Variants in CERKL observed in about 807,000 individuals in gnomAD.
CERKL encodes the protein CERK like autophagy regulator, also known as ceramide kinase-like protein.
A neutral mutation model predicts 63.4 loss-of-function variants in CERKL; 61 were observed. The observed-to-expected ratio is 0.96, with a 90% CI of 0.78 to 1.19. The LOEUF (loss-of-function observed/expected upper bound fraction) is 1.19. CERKL is among the 50% of genes most tolerant of loss of function. CERKL has a pLI of 0.00. For missense variants in CERKL, 675 were observed against 655.5 expected (o/e 1.03, Z -0.33); for synonymous variants, 250 against 230.5 (o/e 1.08, Z -0.77).
intron 11 of CERKL, among the ~76,000 whole-genome samples, chr2:181,540,612 C>T (rs1212309545): frequency 6.6e-6 from 1 of 152,156 alleles, no homozygotes; most frequent in Non-Finnish European, 1.5e-5. Context: ...GAATTGACAG[C>T]CACCACCAGT....
intron 1 of CERKL, among the ~76,000 whole-genome samples, chr2:181,615,711 GAAGC>G (rs1686161893): frequency 6.6e-6 from 1 of 152,200 alleles, no homozygotes; most frequent in South Asian, 2.1e-4. Context: ...ATAAATCTGT[GAAGC>G]AAGGGACCAA....
chr2:181,644,427 T>A (rs1687582241), intron 1 of CERKL, among the ~76,000 whole-genome samples: 1 of 152,256 alleles, frequency 6.6e-6, no homozygotes, highest in Non-Finnish European at 1.5e-5. Flanking sequence ...TAATTTAAGA[T>A]TGTAATAGAA....
chr2:181,623,908 CTG>C (rs1388959323), intron 1 of CERKL, among the ~76,000 whole-genome samples: 1 of 152,114 alleles, frequency 6.6e-6, no homozygotes, highest in African/African-American at 2.4e-5. Context: ...CACAAACCAG[CTG>C]TGAGTGTTAT....
At chr2:181,564,530 G>A (rs2105830390) in intron 4 of CERKL, among the ~76,000 whole-genome samples, 1 of 152,262 alleles carries the variant, frequency 6.6e-6, no homozygotes. Flanking sequence ...TTCAGGTAAA[G>A]AGAAAAATAT....
At position 181,538,228 on chromosome 2, in the gene CERKL, T is replaced by G; in HGVS notation, c.1555A>C (p.Ile519Leu). Residue 519 changes from isoleucine to leucine, a missense_variant, in exon 13 of 13, where the codon ATC (isoleucine) becomes CTC (leucine). Transcript: ENST00000410087. ...TCCATGCTTCCTCCATAAAGACTGA[T>G]AAGTCTTGGATGCAATCTGTAAAGA... ...EVHIRLHPRL[I>L]SLYGGSMEEM... 1 of 1,590,768 alleles carries G rather than the reference T, an allele frequency of 6.3e-7. No homozygotes were observed. The highest frequency in any genetic ancestry group is 8.6e-7 in the Non-Finnish European group (1 of 1,159,742).
intron 10 of CERKL, 63 bp from the exon 11 acceptor site, chr2:181,544,859 G>A: frequency 1.1e-6 from 1 of 920,908 alleles, no homozygotes; most frequent in Non-Finnish European, 1.7e-6. Flanking sequence ...CAAAAATTAT[G>A]ACATACTGTT....
rs1398728948 is a variant in CERKL, at chr2:181,537,152, C to G, written c.*1032G>C. On this transcript the variant is annotated 3_prime_UTR_variant, in exon 13 of 13. Coordinates refer to ENST00000410087, the MANE Select transcript of CERKL (RefSeq NM_201548.5). The stretch of plus-strand genomic sequence containing the variant: ...AAAACTTTGTATCGTTATAAAAAGG[C>G]TAGTCATTCTTTCAGGAGAACATCT... The G allele has an allele frequency of 2.2e-6, 1 of 453,836 alleles. No individual in the cohort carries two copies. The highest frequency in any genetic ancestry group is 2.4e-5 in the Admixed American group (1 of 42,522). 28.1% of individuals were successfully genotyped at this position (453,836 alleles called of 1,614,324 possible).
chr2:181,631,271 T>C (rs1236698251), intron 1 of CERKL, among the ~76,000 whole-genome samples: 1 of 152,238 alleles, frequency 6.6e-6, no homozygotes, highest in Non-Finnish European at 1.5e-5. Context: ...AAAAATTGTT[T>C]TATTTTTCTG....
Position 181,604,103 on chromosome 2 carries a change from A to G in CERKL, c.239-24T>C, listed in dbSNP as rs190766913. Reference sequence around the variant, plus strand: ...ACCTGAAAAAAAAATAAATTTTCCAATTAAAACCATTGTGTTTCATAGAGA... The same window carrying G: ...ACCTGAAAAAAAAATAAATTTTCCAGTTAAAACCATTGTGTTTCATAGAGA... On this transcript the variant is annotated intron_variant, in intron 1 of 12. Transcript: ENST00000410087. The G allele has an allele frequency of 9.8e-4, 1,533 of 1,563,124 alleles. 5 individuals carry two copies. The highest frequency in any genetic ancestry group is 1.2e-3 in the Non-Finnish European group (1,362 of 1,140,468).
chr2:181,641,354 T>TAC (rs1454036406), intron 1 of CERKL, among the ~76,000 whole-genome samples: 3 of 18,250 alleles, frequency 1.6e-4, no homozygotes, highest in African/African-American at 6.1e-4. Flanking sequence ...TACATATATA[T>TAC]ACACATATTT....
intron 1 of CERKL, among the ~76,000 whole-genome samples, chr2:181,611,990 C>T (rs1012088758): frequency 3.3e-5 from 5 of 152,148 alleles, no homozygotes; most frequent in Non-Finnish European, 4.4e-5. Flanking sequence ...ATAAGGGTAG[C>T]TAATAATGAA....
At chr2:181,638,818 G>A (rs936879760) in intron 1 of CERKL, among the ~76,000 whole-genome samples, 2 of 152,160 alleles carry the variant, frequency 1.3e-5, no homozygotes, top group African/African-American at 2.4e-5. Context: ...CCTCACCCTA[G>A]GTAAGCAAAA....
intron 1 of CERKL, among the ~76,000 whole-genome samples, chr2:181,615,407 A>G (rs1425133948): frequency 6.6e-6 from 1 of 152,264 alleles, no homozygotes; most frequent in Non-Finnish European, 1.5e-5. Context: ...GGGCTTGTCT[A>G]AATCAATCTT....
In CERKL at chr2:181,558,521, A is replaced by C; in HGVS notation, c.820+45T>G. ...CTAGATTAGCAAGTAAGAAAGGAAA[A>C]GAGGGAGAAGGGTCAGTTTAATGAA... On this transcript the variant is annotated intron_variant, in intron 5 of 12. Coordinates refer to ENST00000410087, the MANE Select transcript of CERKL (RefSeq NM_201548.5). This position sits in a 1 kb window ranked among gnomAD's most constrained non-coding sequence, Gnocchi z 4.2. 1 of 1,600,708 alleles carries C rather than the reference A, an allele frequency of 6.2e-7. No homozygotes were observed. Among genetic ancestry groups the C allele is most frequent in the African/African-American group, 1.3e-5 (1 of 74,698 alleles).
chr2:181,561,010 G>A (rs1319012245), intron 4 of CERKL, among the ~76,000 whole-genome samples: 1 of 152,124 alleles, frequency 6.6e-6, no homozygotes, highest in Non-Finnish European at 1.5e-5. Flanking sequence ...GGCCATGAAG[G>A]TCACAAAGAA....
At chr2:181,551,118 G>T (rs72883679) in intron 5 of CERKL, among the ~76,000 whole-genome samples, 18,068 of 151,896 alleles carry the variant, frequency 0.12, 1,229 homozygotes, top group East Asian at 0.22. Flanking sequence ...TTAGGCAAGA[G>T]AAAGAAATAA....
intron 10 of CERKL, among the ~76,000 whole-genome samples, chr2:181,547,365 TA>T (rs1204685696): frequency 1.3e-4 from 20 of 152,200 alleles, no homozygotes; most frequent in Non-Finnish European, 2.6e-4. Context: ...AAAGTAGGCA[TA>T]AAATTCTATC....
intron 2 of CERKL, among the ~76,000 whole-genome samples, chr2:181,596,564 C>A (rs994310267): frequency 6.6e-6 from 1 of 152,150 alleles, no homozygotes; most frequent in Non-Finnish European, 1.5e-5. Flanking sequence ...ACCAGTCATA[C>A]AGTAAAACTC....
At chr2:181,604,147 G>T (rs1183673003) in intron 1 of CERKL, 68 bp from the exon 2 acceptor site, 4 of 1,300,316 alleles carry the variant, frequency 3.1e-6, no homozygotes, top group Non-Finnish European at 4.3e-6. Flanking sequence ...AGACACTGGG[G>T]CTTACCAGAG....
Sources: allele counts gnomAD v4.1 joint callset (sites outside exome capture counted in the v4.1 genomes callset), GRCh38; gene constraint gnomAD v4.1.1; non-coding constraint Gnocchi (gnomAD v3.1); transcripts MANE v1.5; gene names NCBI Gene and HGNC (gene_info 2026-07-23, HGNC 2026-07-21).